Variants in TNC observed in about 807,000 individuals in gnomAD.
The protein encoded by TNC is tenascin.
A neutral mutation model predicts 202.4 loss-of-function variants in TNC; 109 were observed. The ratio of observed to expected loss-of-function variants is 0.54; its 90% confidence interval spans 0.46 to 0.63. TNC has a LOEUF of 0.63. Ranked by LOEUF, TNC falls within the 30% of genes least tolerant of loss-of-function variation. The pLI, the probability that TNC is intolerant of heterozygous loss-of-function variation, is 0.00. For synonymous variants in TNC, 1,007 were observed against 1,089.7 expected, an observed-to-expected ratio of 0.92 and a Z score of 1.50; for missense variants, 2,756 against 2,833.3, an observed-to-expected ratio of 0.97 and a Z score of 0.62.
intron 23 of TNC, among the ~76,000 whole-genome samples, chr9:115,031,055 G>T (rs1021343447): frequency 6.6e-6 from 1 of 152,164 alleles, no homozygotes; most frequent in Non-Finnish European, 1.5e-5. Context: ...CCAGCTTGGT[G>T]GGAAGATCAT....
In TNC at chr9:115,037,844, T is replaced by A. The variant is rs1830447440; in HGVS notation, c.5512+417A>T. On this transcript the variant is annotated intron_variant, in intron 20 of 27. Coordinates refer to ENST00000350763, the MANE Select transcript of TNC (RefSeq NM_002160.4). ...ACCTGGCTTAAAATTTCAGACTTTT[T>A]AATTAAATCTGCTAAAACTAGCTTC... 2.0e-5 allele frequency among the ~76,000 whole-genome samples: 3 copies of A among 152,242 alleles called. No homozygotes were observed. In the South Asian group the frequency reaches 6.2e-4, roughly 31 times the overall value.
intron 9 of TNC, 42 bp from the exon 10 acceptor site, chr9:115,073,908 G>A (rs1445623000): frequency 6.3e-7 from 1 of 1,584,570 alleles, no homozygotes; most frequent in African/African-American, 1.3e-5. Context: ...CAGGCTGCAA[G>A]ACAGGGCTGC....
At chr9:115,106,040 T>C (rs1250024) in intron 1 of TNC, among the ~76,000 whole-genome samples, 89,993 of 151,934 alleles carry the variant, frequency 0.59, 27,047 homozygotes, top group African/African-American at 0.69. Context: ...CTTTCATTTC[T>C]TCCTGTATTA....
At chr9:115,081,243 A>G (rs937519556) in intron 6 of TNC, among the ~76,000 whole-genome samples, 1 of 152,248 alleles carries the variant, frequency 6.6e-6, no homozygotes, top group African/African-American at 2.4e-5. Context: ...TGCTAATATT[A>G]AACTAGTGAC....
chr9:115,093,860 G>C (rs961447914), intron 1 of TNC, among the ~76,000 whole-genome samples: 1 of 152,184 alleles, frequency 6.6e-6, no homozygotes, highest in African/African-American at 2.4e-5. Context: ...ATGTTGCATC[G>C]TTGGGGGAAA....
intron 7 of TNC, among the ~76,000 whole-genome samples, chr9:115,076,859 G>A (rs1394097807): frequency 6.6e-6 from 1 of 152,176 alleles, no homozygotes; most frequent in African/African-American, 2.4e-5. Flanking sequence ...GCTCATGAGT[G>A]TAAAAACTGG....
At chr9:115,023,298 G>A (rs553614365) in intron 27 of TNC, among the ~76,000 whole-genome samples, 1 of 152,292 alleles carries the variant, frequency 6.6e-6, no homozygotes, top group African/African-American at 2.4e-5. Flanking sequence ...TAAGTGGCTA[G>A]TCCCACACAG....
At chr9:115,054,234 T>C (rs931220426) in intron 15 of TNC, among the ~76,000 whole-genome samples, 4 of 152,272 alleles carry the variant, frequency 2.6e-5, no homozygotes, top group African/African-American at 7.2e-5. Context: ...TAAACTTTAA[T>C]GGCACAATTA....
At position 115,035,194 on chromosome 9, in the gene TNC, C is replaced by A. The variant is rs781633023; in HGVS notation, c.5787+10G>T. ...ACTAGCATTGAGGAGTTGTTATATA[C>A]TTAAAATACCTTGACTGTGCCATCC... On this transcript the variant is annotated intron_variant, in intron 22 of 27. Coordinates refer to ENST00000350763, the MANE Select transcript of TNC (RefSeq NM_002160.4). 1.2e-6 allele frequency: 2 copies of A among 1,603,678 alleles called. No homozygotes were observed. Among genetic ancestry groups the A allele is most frequent in the South Asian group, 2.2e-5 (2 of 89,356 alleles).
chr9:115,082,033 C>T (rs1347735823), intron 5 of TNC, 105 bp from the exon 6 acceptor site: 12 of 1,146,672 alleles, frequency 1.0e-5, no homozygotes, highest in Middle Eastern at 3.0e-4. Flanking sequence ...ATTCTTTCAT[C>T]GATTCATTAG....
At chr9:115,028,843 A>G (rs1435626395) in intron 25 of TNC, among the ~76,000 whole-genome samples, 3 of 142,380 alleles carry the variant, frequency 2.1e-5, no homozygotes, top group African/African-American at 7.8e-5. Flanking sequence ...TTTATCTTGC[A>G]ACATGTGGAT....
rs995278631 is a variant in TNC at position 115,041,307 on chromosome 9, G to T, written c.5249-223C>A. Among the ~76,000 whole-genome samples, 338 of 145,298 alleles carry T rather than the reference G, an allele frequency of 2.3e-3. 3 individuals carry two copies. The highest frequency in any genetic ancestry group is 3.8e-3 in the African/African-American group (145 of 38,628). ...AGATGCCAAAAACAAAGCCAGGAGG[G>T]GCGGGGGAAAACATGAAGTCACAAC... On this transcript the variant is annotated intron_variant, in intron 18 of 27. Coordinates refer to ENST00000350763, the MANE Select transcript of TNC (RefSeq NM_002160.4).
intron 18 of TNC, 67 bp downstream of exon 18, chr9:115,042,152 G>T (rs752061946): frequency 3.9e-6 from 6 of 1,550,194 alleles, no homozygotes; most frequent in Non-Finnish European, 5.2e-6. Context: ...AATTATCAGG[G>T]TCTTTTTCAT....
chr9:115,088,167 T>G (rs957034978), intron 2 of TNC, among the ~76,000 whole-genome samples: 1 of 152,226 alleles, frequency 6.6e-6, no homozygotes, highest in African/African-American at 2.4e-5. Context: ...ATACGTGAAG[T>G]TGGGCCAATA....
At chr9:115,096,572 T>C (rs1835810797) in intron 1 of TNC, among the ~76,000 whole-genome samples, 1 of 152,222 alleles carries the variant, frequency 6.6e-6, no homozygotes, top group Non-Finnish European at 1.5e-5. Context: ...TTCAATGTTG[T>C]TAAGTTTCTT....
At chr9:115,040,803 C>A in intron 19 of TNC, 138 bp downstream of exon 19, 1 of 1,152,452 alleles carries the variant, frequency 8.7e-7, no homozygotes, top group East Asian at 2.7e-5. Context: ...CCACTAGGAT[C>A]TCATAAATAA....
At chr9:115,028,026 A>C (rs1436760831) in intron 25 of TNC, among the ~76,000 whole-genome samples, 1 of 152,164 alleles carries the variant, frequency 6.6e-6, no homozygotes, top group African/African-American at 2.4e-5. Context: ...TTTATTTCCC[A>C]AAAATTTATA....
chr9:115,031,273 C>A (rs561227970), intron 23 of TNC, among the ~76,000 whole-genome samples: 1 of 152,100 alleles, frequency 6.6e-6, no homozygotes, highest in Non-Finnish European at 1.5e-5. Flanking sequence ...CCTGTATAGA[C>A]GAAGAAGCTA....
chr9:115,102,599 T>C (rs927533587), intron 1 of TNC, among the ~76,000 whole-genome samples: 1 of 152,192 alleles, frequency 6.6e-6, no homozygotes, highest in Admixed American at 6.5e-5. Context: ...GTCTGGGGAA[T>C]TGATATGATA....
Sources: allele counts gnomAD v4.1 joint callset (sites outside exome capture counted in the v4.1 genomes callset), GRCh38; gene constraint gnomAD v4.1.1; transcripts MANE v1.5; gene names NCBI Gene and HGNC (gene_info 2026-07-23, HGNC 2026-07-21).